PDE7B: variants seen among roughly 807,000 people sequenced by gnomAD.
The protein encoded by PDE7B is phosphodiesterase 7B.
PDE7B carries 29 observed loss-of-function variants against 56.2 expected under a neutral mutation model. The observed-to-expected ratio is 0.52, with a 90% CI of 0.38 to 0.70. The LOEUF is 0.70. PDE7B is among the 30% of genes least tolerant of loss of function. The pLI is 0.00. For missense variants in PDE7B, 490 were observed against 565.0 expected (o/e 0.87, Z 1.35); for synonymous variants, 197 against 196.9 (o/e 1.00, Z 0.00).
rs929771625 is a variant in PDE7B, at chr6:135,912,890, G to A, written c.22-34574G>A. Among the ~76,000 whole-genome samples the A allele has an allele frequency of 5.3e-5, 8 of 152,058 alleles. No individual in the cohort carries two copies. The South Asian group carries it at 8.3e-4, about 16-fold the overall frequency. Reference sequence around the variant, plus strand: ...GGAGCTTGCCCAAGATCACACAGTCGGTAGTGCCAGAATTTAGGGGATCAA... The same window carrying A: ...GGAGCTTGCCCAAGATCACACAGTCAGTAGTGCCAGAATTTAGGGGATCAA... On this transcript the variant is annotated intron_variant, in intron 1 of 12. Coordinates refer to ENST00000308191, the MANE Select transcript of PDE7B (RefSeq NM_018945.4).
intron 2 of PDE7B, among the ~76,000 whole-genome samples, chr6:136,087,976 G>C (rs1348855597): frequency 6.6e-6 from 1 of 152,112 alleles, no homozygotes; most frequent in African/African-American, 2.4e-5. Flanking sequence ...AATACCAGTG[G>C]GAGAAAGCCT....
intron 1 of PDE7B, among the ~76,000 whole-genome samples, chr6:135,905,126 C>T (rs1441912309): frequency 6.6e-6 from 1 of 152,052 alleles, no homozygotes; most frequent in African/African-American, 2.4e-5. Flanking sequence ...CACTACTGAC[C>T]ACATTATAGT....
At chr6:136,012,316 G>A (rs1263890733) in intron 2 of PDE7B, among the ~76,000 whole-genome samples, 1 of 152,154 alleles carries the variant, frequency 6.6e-6, no homozygotes, top group Non-Finnish European at 1.5e-5. Flanking sequence ...CCCCCACACT[G>A]TGAATTTTAG....
intron 1 of PDE7B, among the ~76,000 whole-genome samples, chr6:135,907,231 C>G (rs1007504373): frequency 1.3e-5 from 2 of 152,156 alleles, no homozygotes; most frequent in Non-Finnish European, 2.9e-5. Flanking sequence ...TTTAAGAAGA[C>G]TTGGTAGAGA....
chr6:136,160,812 A>C (rs1304550951), intron 8 of PDE7B, among the ~76,000 whole-genome samples: 1 of 152,208 alleles, frequency 6.6e-6, no homozygotes, highest in East Asian at 1.9e-4. Flanking sequence ...CAGTTTCCCA[A>C]ACATATCACT....
rs542319926 is a variant in PDE7B, at chr6:136,071,663, C to G, written c.83-37068C>G. On this transcript the variant is annotated intron_variant, in intron 2 of 12. Coordinates refer to ENST00000308191, the MANE Select transcript of PDE7B (RefSeq NM_018945.4). The stretch of plus-strand genomic sequence containing the variant: ...ATCACTCTAGCCAAGTGTAGTGGTG[C>G]ATGCCTGTAGTCCCAGCTACTAGGG... 2.0e-5 allele frequency among the ~76,000 whole-genome samples: 3 copies of G among 152,258 alleles called. No homozygotes were observed. The East Asian group carries it at 5.8e-4, about 29-fold the overall frequency.
At chr6:135,936,196 G>A (rs1774417246) in intron 1 of PDE7B, among the ~76,000 whole-genome samples, 1 of 152,138 alleles carries the variant, frequency 6.6e-6, no homozygotes, top group East Asian at 1.9e-4. Flanking sequence ...GAGCTGCAAG[G>A]AGCACATTAT....
chr6:136,027,836 G>T (rs1776180118), intron 2 of PDE7B, among the ~76,000 whole-genome samples: 2 of 152,090 alleles, frequency 1.3e-5, no homozygotes, highest in Non-Finnish European at 2.9e-5. Flanking sequence ...TACCCAGGCT[G>T]GTCTTGAACT....
intron 3 of PDE7B, among the ~76,000 whole-genome samples, chr6:136,127,117 G>T (rs892573304): frequency 6.6e-6 from 1 of 152,070 alleles, no homozygotes; most frequent in South Asian, 2.1e-4. Context: ...TTATAAACAG[G>T]CTTTTCACCC....
chr6:136,187,827 T>G (rs1440341208), intron 12 of PDE7B, among the ~76,000 whole-genome samples: 1 of 152,238 alleles, frequency 6.6e-6, no homozygotes, highest in Non-Finnish European at 1.5e-5. Context: ...TATCACACCT[T>G]AAGACACTCC....
intron 2 of PDE7B, among the ~76,000 whole-genome samples, chr6:136,015,009 A>G (rs776963897): frequency 1.3e-5 from 2 of 152,364 alleles, no homozygotes; most frequent in Non-Finnish European, 1.5e-5. Context: ...AAGTTAAAAT[A>G]CACATATATG....
chr6:135,882,479 T>TC (rs2128188940), intron 1 of PDE7B, among the ~76,000 whole-genome samples: 1 of 152,290 alleles, frequency 6.6e-6, no homozygotes, highest in South Asian at 2.1e-4. Context: ...ATTCTCACTT[T>TC]CTCCCTTTCC....
At position 135,959,077 on chromosome 6, in the gene PDE7B, G is replaced by A. The variant is rs76004635; in HGVS notation, c.82+11553G>A. ...AAGGAGATAGTTAACATGAAATCTT[G>A]TACATTGCCATTTTAGCTTTACCTA... On this transcript the variant is annotated intron_variant, in intron 2 of 12. Transcript: ENST00000308191. Among the ~76,000 whole-genome samples, 662 of 152,172 alleles carry A rather than the reference G, an allele frequency of 4.4e-3. 14 individuals carry two copies. Among genetic ancestry groups the A allele is most frequent in the Admixed American group, 0.034 (516 of 15,286 alleles).
intron 5 of PDE7B, among the ~76,000 whole-genome samples, chr6:136,149,845 G>T (rs1163612534): frequency 6.6e-6 from 1 of 152,052 alleles, no homozygotes; most frequent in East Asian, 1.9e-4. Flanking sequence ...ATTATATATG[G>T]TTTTCTCATC....
chr6:136,125,310 C>T (rs1016930024), intron 3 of PDE7B, among the ~76,000 whole-genome samples: 1 of 152,116 alleles, frequency 6.6e-6, no homozygotes, highest in Admixed American at 6.5e-5. Flanking sequence ...CATGGTCACT[C>T]ACACTCGTGA....
At chr6:135,991,005 G>T (rs552941061) in intron 2 of PDE7B, among the ~76,000 whole-genome samples, 11 of 152,292 alleles carry the variant, frequency 7.2e-5, no homozygotes, top group African/African-American at 2.6e-4. Context: ...CTGGAACTGA[G>T]GGTTCCTCCC....
At chr6:135,885,395 C>A (rs961639552) in intron 1 of PDE7B, among the ~76,000 whole-genome samples, 3 of 151,720 alleles carry the variant, frequency 2.0e-5, no homozygotes, top group African/African-American at 7.3e-5. Flanking sequence ...ATGGTGTGCA[C>A]CTTTCCAGTG....
At chr6:135,906,949 C>T (rs1017472107) in intron 1 of PDE7B, among the ~76,000 whole-genome samples, 2 of 149,554 alleles carry the variant, frequency 1.3e-5, no homozygotes, top group Admixed American at 1.3e-4. Flanking sequence ...GGTAACCAAA[C>T]TTAACCAGCT....
intron 12 of PDE7B, 141 bp from the exon 13 acceptor site, chr6:136,191,473 C>T: frequency 1.4e-6 from 1 of 714,030 alleles, no homozygotes; most frequent in South Asian, 1.8e-5. Flanking sequence ...TCAAGGCCAA[C>T]CTGGCCAACA....
Sources: gnomAD v4.1 joint callset for allele counts (sites outside exome capture counted in the v4.1 genomes callset) on GRCh38, gnomAD v4.1.1 for gene constraint, MANE v1.5 for transcripts, NCBI Gene and HGNC (gene_info 2026-07-23, HGNC 2026-07-21) for gene names.